Variants in AKAP19 observed in about 807,000 individuals in gnomAD.
The protein encoded by AKAP19 is A-kinase anchoring protein 19.
At chr2:190,022,777 T>C in the AKAP19 span, among the ~76,000 whole-genome samples, 5 of 151,622 alleles carry the variant, frequency 3.3e-5, no homozygotes, top group East Asian at 9.6e-4. Flanking sequence ...TTTTTTTTTT[T>C]GTTATAAATG....
the AKAP19 span, among the ~76,000 whole-genome samples, chr2:189,951,006 G>T: frequency 6.6e-6 from 1 of 151,984 alleles, no homozygotes; most frequent in Admixed American, 6.6e-5. Context: ...AGAATATGGG[G>T]AATTTTTCTG....
chr2:190,012,739 T>C, the AKAP19 span, among the ~76,000 whole-genome samples: 1 of 152,234 alleles, frequency 6.6e-6, no homozygotes, highest in African/African-American at 2.4e-5. Context: ...TGATGTTATC[T>C]CTGGGCTTGT....
At chr2:189,987,663 G>A in the AKAP19 span, among the ~76,000 whole-genome samples, 3 of 152,206 alleles carry the variant, frequency 2.0e-5, no homozygotes, top group African/African-American at 4.8e-5. Flanking sequence ...GATGCCATAA[G>A]TAAGGGGATT....
the AKAP19 span, among the ~76,000 whole-genome samples, chr2:190,107,245 AG>A: frequency 4.6e-5 from 7 of 152,212 alleles, 1 homozygote; most frequent in African/African-American, 1.7e-4. Context: ...ACTTTTAGGA[AG>A]CCACCAACTT....
chr2:190,022,698 T>G, the AKAP19 span, among the ~76,000 whole-genome samples: 1 of 152,192 alleles, frequency 6.6e-6, no homozygotes, highest in African/African-American at 2.4e-5. Context: ...ATTTTAAAAG[T>G]TAAATATTAT....
At chr2:189,943,519 G>A in the AKAP19 span, among the ~76,000 whole-genome samples, 1 of 152,206 alleles carries the variant, frequency 6.6e-6, no homozygotes, top group Non-Finnish European at 1.5e-5. Context: ...GCAGTGCCAA[G>A]GGGAAATGTG....
At chr2:190,102,883 A>G in the AKAP19 span, among the ~76,000 whole-genome samples, 1 of 152,182 alleles carries the variant, frequency 6.6e-6, no homozygotes, top group Non-Finnish European at 1.5e-5. Flanking sequence ...TGGCAGAGAC[A>G]CAGCAAAAAA....
chr2:190,159,307 G>A, the AKAP19 span, among the ~76,000 whole-genome samples: 3 of 152,176 alleles, frequency 2.0e-5, no homozygotes, highest in Admixed American at 2.0e-4. Context: ...CCCCCAGGAG[G>A]CTCACTTGAG....
chr2:190,176,243 A>G, the AKAP19 span, among the ~76,000 whole-genome samples: 1 of 152,234 alleles, frequency 6.6e-6, no homozygotes, highest in Admixed American at 6.5e-5. This position sits in a 1 kb window ranked among gnomAD's most constrained non-coding sequence, Gnocchi z 4.7. Context: ...TCTTTCCCAC[A>G]GTGTCATTAA....
chr2:190,186,042 C>A, the AKAP19 span, among the ~76,000 whole-genome samples: 1 of 152,170 alleles, frequency 6.6e-6, no homozygotes, highest in African/African-American at 2.4e-5. The surrounding 1 kb of genome is among the most constrained non-coding windows in gnomAD (Gnocchi z 5.5). Flanking sequence ...ACTTCTGCCT[C>A]CCAGGTTCAA....
At chr2:190,011,345 G>A in the AKAP19 span, among the ~76,000 whole-genome samples, 1 of 152,120 alleles carries the variant, frequency 6.6e-6, no homozygotes, top group Non-Finnish European at 1.5e-5. Flanking sequence ...ACTGGCCTGA[G>A]CCACCACACC....
chr2:190,000,656 T>C, the AKAP19 span, among the ~76,000 whole-genome samples: 1 of 152,204 alleles, frequency 6.6e-6, no homozygotes, highest in Non-Finnish European at 1.5e-5. Context: ...TGATATAGAA[T>C]TTTTGGTTGA....
At chr2:190,124,973 C>T in the AKAP19 span, among the ~76,000 whole-genome samples, 13 of 152,112 alleles carry the variant, frequency 8.5e-5, no homozygotes, top group Non-Finnish European at 1.5e-5. Context: ...ATCATTGTTT[C>T]CACCTCCATA....
chr2:189,979,191 G>C, the AKAP19 span, among the ~76,000 whole-genome samples: 1 of 152,044 alleles, frequency 6.6e-6, no homozygotes, highest in Non-Finnish European at 1.5e-5. Context: ...ATACTACAAG[G>C]CTATAGTAAC....
chr2:189,979,083 C>A, the AKAP19 span, among the ~76,000 whole-genome samples: 1 of 151,700 alleles, frequency 6.6e-6, no homozygotes, highest in African/African-American at 2.4e-5. Context: ...AAAAAAAATT[C>A]TAAAACCCAT....
At chr2:189,922,873 G>T in the AKAP19 span, among the ~76,000 whole-genome samples, 5 of 152,118 alleles carry the variant, frequency 3.3e-5, no homozygotes, top group Admixed American at 3.3e-4. Flanking sequence ...GCTTCTACTG[G>T]GTGCGGTGGC....
At chr2:189,909,242 G>A in the AKAP19 span, among the ~76,000 whole-genome samples, 7 of 151,746 alleles carry the variant, frequency 4.6e-5, no homozygotes, top group Non-Finnish European at 7.4e-5. Context: ...TTTAGTCTGT[G>A]TGTTCTCAAA....
the AKAP19 span, among the ~76,000 whole-genome samples, chr2:190,033,363 G>GA: frequency 2.0e-5 from 3 of 151,998 alleles, no homozygotes; most frequent in African/African-American, 2.4e-5. Context: ...AGGAAAGTCT[G>GA]AAAAAAACAA....
the AKAP19 span, among the ~76,000 whole-genome samples, chr2:190,126,324 A>AAAAAAAAAAAAT: frequency 7.2e-6 from 1 of 139,244 alleles, no homozygotes; most frequent in Non-Finnish European, 1.6e-5. Context: ...AAAAAAAAAA[A>AAAAAAAAAAAAT]GGTGTATATT....
Sources: allele counts gnomAD v4.1 joint callset (sites outside exome capture counted in the v4.1 genomes callset), GRCh38; gene constraint gnomAD v4.1.1; non-coding constraint Gnocchi (gnomAD v3.1); transcripts MANE v1.5; gene names NCBI Gene and HGNC (gene_info 2026-07-23, HGNC 2026-07-21).